CEP72: variants seen among roughly 807,000 people sequenced by gnomAD.
CEP72 encodes the protein centrosomal protein 72.
CEP72 carries 78 observed loss-of-function variants against 65.7 expected under a neutral mutation model. That is an observed-to-expected ratio of 1.19 (90% CI 0.99 to 1.43). The LOEUF (loss-of-function observed/expected upper bound fraction) is 1.43. Ranked by LOEUF, CEP72 falls within the 40% of genes most tolerant of loss-of-function variation. The pLI, the probability that CEP72 is intolerant of heterozygous loss-of-function variation, is 0.00. For missense variants in CEP72, 914 were observed against 832.9 expected, an observed-to-expected ratio of 1.10 and a Z score of -1.20; for synonymous variants, 358 against 351.7, an observed-to-expected ratio of 1.02 and a Z score of -0.20.
chr5:659,996 C>G (rs1322037893), downstream of CEP72: 2 of 152,356 alleles, frequency 1.3e-5, no homozygotes, highest in African/African-American at 2.4e-5. Context: ...AACAGCAAGT[C>G]CAACAGGCAA....
chr5:646,589 C>T (rs1376559696), intron 10 of CEP72, among the ~76,000 whole-genome samples: 1 of 152,150 alleles, frequency 6.6e-6, no homozygotes, highest in Non-Finnish European at 1.5e-5. Context: ...GACCCCACAC[C>T]AGCTGTTCCT....
chr5:616,997 T>A (rs1736039046), intron 1 of CEP72, among the ~76,000 whole-genome samples: 1 of 150,608 alleles, frequency 6.6e-6, no homozygotes, highest in Non-Finnish European at 1.5e-5. Context: ...ATGTGAACAG[T>A]GTGTGTGGTT....
rs1738489216 is a variant in CEP72 at position 647,297 on chromosome 5, T to C, written c.1667-508T>C. ...ACTAAATAGTATCTCTCTTCTCCTC[T>C]TGTGCTGGAAATCCAGAAACAGGCA... On this transcript the variant is annotated intron_variant, in intron 10 of 11. Transcript: ENST00000264935. 2.0e-5 allele frequency among the ~76,000 whole-genome samples: 3 copies of C among 152,264 alleles called. No individual in the cohort carries two copies. The South Asian group carries it at 6.2e-4, about 31-fold the overall frequency.
chr5:660,992 C>T (rs1201853004), downstream of CEP72: 1 of 152,222 alleles, frequency 6.6e-6, no homozygotes, highest in Non-Finnish European at 1.5e-5. Context: ...TATATATCTT[C>T]TACAATATTT....
chr5:670,922 T>G (rs1249298998), downstream of CEP72, among the ~76,000 whole-genome samples: 1 of 152,158 alleles, frequency 6.6e-6, no homozygotes, highest in Non-Finnish European at 1.5e-5. Flanking sequence ...TCCCCTCATC[T>G]CAGGAAACCG....
chr5:626,027 A>G (rs998003276), intron 4 of CEP72, among the ~76,000 whole-genome samples: 1 of 96,688 alleles, frequency 1.0e-5, no homozygotes, highest in Non-Finnish European at 2.1e-5. Flanking sequence ...AAGGACTTCA[A>G]CATGTCTTTT....
downstream of CEP72, among the ~76,000 whole-genome samples, chr5:669,271 GCTGGTGAGC>G (rs531390574): frequency 8.2e-4 from 113 of 137,046 alleles, no homozygotes; most frequent in East Asian, 9.7e-3. Context: ...CCCAGGGGGC[GCTGGTGAGC>G]CCGGTGAGCC....
chr5:633,215 T>G (rs1282187754), intron 4 of CEP72, among the ~76,000 whole-genome samples: 2 of 94,500 alleles, frequency 2.1e-5, no homozygotes, highest in Admixed American at 1.1e-4. Context: ...CCAGTCCTGG[T>G]GGGGTTCTGT....
At chr5:650,581 T>TG (rs1420440960) in intron 11 of CEP72, among the ~76,000 whole-genome samples, 33 of 20,056 alleles carry the variant, frequency 1.6e-3, no homozygotes, top group South Asian at 2.6e-3. Flanking sequence ...CTGTGAGGTG[T>TG]GACTGTGGGT....
rs1023067899 is a variant in CEP72, at chr5:645,201, C to T, written c.1666+776C>T. Among the ~76,000 whole-genome samples, 5 of 151,996 alleles carry T rather than the reference C, an allele frequency of 3.3e-5. No individual in the cohort carries two copies. The highest frequency in any genetic ancestry group is 4.8e-5 in the African/African-American group (2 of 41,358). ...GTCTCACGATGTCTGTCCCAACCAG[C>T]GGTGGCCTTTGCGGCAGGGAGGCAG... On this transcript the variant is annotated intron_variant, in intron 10 of 11. Transcript: ENST00000264935. The surrounding 1 kb of genome is among the most constrained non-coding windows in gnomAD (Gnocchi z 4.0).
At chr5:619,508 C>T (rs914057090) in intron 2 of CEP72, among the ~76,000 whole-genome samples, 3 of 152,044 alleles carry the variant, frequency 2.0e-5, no homozygotes, top group African/African-American at 7.2e-5. Context: ...TGCGCCTGCC[C>T]TGAGCCCGAT....
chr5:618,440 A>C (rs1400630099), intron 1 of CEP72, among the ~76,000 whole-genome samples: 1 of 152,170 alleles, frequency 6.6e-6, no homozygotes, highest in Non-Finnish European at 1.5e-5. Context: ...TTTGTCTTTC[A>C]ATCTTTTTAC....
chr5:649,054 A>C (rs1738688857), intron 11 of CEP72, among the ~76,000 whole-genome samples: 2 of 134,286 alleles, frequency 1.5e-5, no homozygotes, highest in African/African-American at 2.9e-5. Context: ...GTGAGGTGTG[A>C]CTGTGAGGTG....
intron 7 of CEP72, among the ~76,000 whole-genome samples, 172 bp from the exon 8 acceptor site, chr5:638,917 T>C (rs1579989246): frequency 6.6e-6 from 1 of 152,264 alleles, no homozygotes; most frequent in Non-Finnish European, 1.5e-5. Flanking sequence ...TGGCTAAGCC[T>C]CACTGGGCAG....
Position 623,211 on chromosome 5 carries a change from A to G in CEP72, c.404-1260A>G, listed in dbSNP as rs527882115. Among the ~76,000 whole-genome samples, 4 of 151,948 alleles carry G rather than the reference A, an allele frequency of 2.6e-5. No individual in the cohort carries two copies. In the East Asian group the frequency reaches 5.8e-4, roughly 22 times the overall value. On this transcript the variant is annotated intron_variant, in intron 3 of 11. Transcript: ENST00000264935. This position sits in a 1 kb window ranked among gnomAD's most constrained non-coding sequence, Gnocchi z 5.3. Reference sequence around the variant, plus strand: ...GACCGTCTCCCCTCTTAGTGTTTCTACAGAGAAGGAGCACAACCGTCTCCC... The same window carrying G: ...GACCGTCTCCCCTCTTAGTGTTTCTGCAGAGAAGGAGCACAACCGTCTCCC...
chr5:622,357 G>T (rs1406919571), intron 3 of CEP72, among the ~76,000 whole-genome samples: 1 of 152,244 alleles, frequency 6.6e-6, no homozygotes, highest in Non-Finnish European at 1.5e-5. Flanking sequence ...CTTTGCTCTT[G>T]CAGGAGCTCA....
At chr5:617,534 A>G (rs1394419187) in intron 1 of CEP72, among the ~76,000 whole-genome samples, 1 of 152,196 alleles carries the variant, frequency 6.6e-6, no homozygotes, top group African/African-American at 2.4e-5. Flanking sequence ...TTTCAGTAAC[A>G]TGAGCCAAAG....
chr5:637,080 G>A (rs145519928), intron 6 of CEP72, among the ~76,000 whole-genome samples: 60 of 152,246 alleles, frequency 3.9e-4, no homozygotes, highest in African/African-American at 1.2e-3. Flanking sequence ...CTTAGTGGTC[G>A]GTACAGTGCA....
In CEP72 at chr5:645,328, G is replaced by C. The variant is rs1228947780; in HGVS notation, c.1666+903G>C. ...TGGGTTGTTTTATCGAGCGGTAAGA[G>C]TTCCTTAGAGTCTTCTTTTTTATTT... On this transcript the variant is annotated intron_variant, in intron 10 of 11. Coordinates refer to ENST00000264935, the MANE Select transcript of CEP72 (RefSeq NM_018140.4). This position sits in a 1 kb window ranked among gnomAD's most constrained non-coding sequence, Gnocchi z 4.0. Among the ~76,000 whole-genome samples the C allele has an allele frequency of 2.0e-5, 3 of 152,014 alleles. No individual in the cohort carries two copies. The highest frequency in any genetic ancestry group is 1.5e-5 in the Non-Finnish European group (1 of 68,002).
Sources: gnomAD v4.1 joint callset for allele counts (sites outside exome capture counted in the v4.1 genomes callset) on GRCh38, gnomAD v4.1.1 for gene constraint, Gnocchi (gnomAD v3.1) non-coding constraint, MANE v1.5 for transcripts, NCBI Gene and HGNC (gene_info 2026-07-23, HGNC 2026-07-21) for gene names.